Variants in SCUBE1 observed in about 807,000 individuals in gnomAD.
The protein encoded by SCUBE1 is signal peptide, CUB domain and EGF like domain containing 1, also known as signal peptide, CUB and EGF-like domain-containing protein 1.
SCUBE1 carries 59 observed loss-of-function variants against 124.4 expected under a neutral mutation model. The observed-to-expected ratio is 0.47, with a 90% confidence interval of 0.38 to 0.59. SCUBE1 has a LOEUF of 0.59. Among genes scored for constraint, SCUBE1 ranks in the 20% least tolerant of loss-of-function variants. The pLI is 0.00. For synonymous variants in SCUBE1, 545 were observed against 550.9 expected (o/e 0.99, Z 0.15); for missense variants, 1,150 against 1,371.2 (o/e 0.84, Z 2.55).
chr22:43,247,979 G>A (rs1233859725), intron 6 of SCUBE1, among the ~76,000 whole-genome samples: 1 of 152,198 alleles, frequency 6.6e-6, no homozygotes, highest in East Asian at 1.9e-4. Flanking sequence ...AGGGCTTTGG[G>A]GCCCACTTAG....
chr22:43,337,982 G>A (rs112700021), intron 2 of SCUBE1, among the ~76,000 whole-genome samples: 3 of 152,170 alleles, frequency 2.0e-5, no homozygotes, highest in African/African-American at 7.2e-5. Context: ...TGGGAATCTT[G>A]CAAAAGATGC....
rs2146706695 is a variant in SCUBE1 at position 43,258,149 on chromosome 22, T to G, written c.727+70A>C. 1 of 1,025,542 alleles carries G rather than the reference T, an allele frequency of 9.8e-7. No homozygotes were observed. The highest frequency in any genetic ancestry group is 1.5e-6 in the Non-Finnish European group (1 of 668,850). 63.5% of individuals were successfully genotyped at this position (1,025,542 alleles called of 1,614,324 possible). On this transcript the variant is annotated intron_variant, in intron 6 of 21. Coordinates refer to ENST00000360835, the MANE Select transcript of SCUBE1 (RefSeq NM_173050.5). The surrounding 1 kb of genome is among the most constrained non-coding windows in gnomAD (Gnocchi z 5.0). ...CCCGGACGTGGCAGGGTGCTGGCCC[T>G]GCTGGTGCACGCATGGGGGGTCGGG...
At chr22:43,214,047 G>GGGCCCCCCCCCCCCCCCC in intron 16 of SCUBE1, 43 bp downstream of exon 16, 1 of 143,438 alleles carries the variant, frequency 7.0e-6, no homozygotes, top group Non-Finnish European at 1.3e-5. Context: ...AGGAGCCCCC[G>GGGCCCCCCCCCCCCCCCC]CCCACCCCCC....
chr22:43,239,793 C>T (rs143490006), intron 6 of SCUBE1, among the ~76,000 whole-genome samples: 14 of 152,300 alleles, frequency 9.2e-5, no homozygotes, highest in East Asian at 3.9e-4. Flanking sequence ...CTTCCCTCTT[C>T]GCCTTGCTGC....
chr22:43,343,071 G>C, intron 1 of SCUBE1, 103 bp downstream of exon 1: 1 of 463,934 alleles, frequency 2.2e-6, no homozygotes, highest in Non-Finnish European at 3.0e-6. Context: ...GCGGGGCCGC[G>C]CGGGGCGAGC....
Position 43,231,861 on chromosome 22 carries a change from G to C in SCUBE1, c.859C>G (p.Leu287Val), listed in dbSNP as rs1364002667. 6.2e-7 allele frequency: 1 copy of C among 1,613,574 alleles called. No homozygotes were observed. The highest frequency in any genetic ancestry group is 1.3e-5 in the African/African-American group (1 of 75,058). Residue 287 changes from leucine (L) to valine (V), a missense_variant, in exon 8 of 22, where the codon CTG (leucine) becomes GTG (valine). Transcript: ENST00000360835. ...GKTCKDINEC[L>V]VNNGGCDHFC... Reference sequence around the variant, plus strand: ...TGGTCGCAGCCTCCGTTGTTGACCAGGCACTCGTTGATGTCTGTGGGAGCC... The same window carrying C: ...TGGTCGCAGCCTCCGTTGTTGACCACGCACTCGTTGATGTCTGTGGGAGCC...
rs1473456268 is a variant in SCUBE1 at position 43,234,862 on chromosome 22, C to T, written c.845-2987G>A. The stretch of plus-strand genomic sequence containing the variant: ...CTTCCAGCCCGGCCAGGCTGCTTTG[C>T]CTCCTTTCTCCAGGCTGCTTGGCTC... On this transcript the variant is annotated intron_variant, in intron 7 of 21. Transcript: ENST00000360835. The surrounding 1 kb of genome is among the most constrained non-coding windows in gnomAD (Gnocchi z 4.4). 6.6e-6 allele frequency among the ~76,000 whole-genome samples: 1 copy of T among 152,214 alleles called. No homozygotes were observed. The highest frequency in any genetic ancestry group is 1.5e-5 in the Non-Finnish European group (1 of 68,044).
chr22:43,234,268 G>T lies in SCUBE1; in HGVS notation c.845-2393C>A, dbSNP rs2146681611. ...GCTGTGTGATGCTGGGCAGGGAAAG[G>T]CACCTCTCTGAGCCTTAGGATCCCA... On this transcript the variant is annotated intron_variant, in intron 7 of 21. Transcript: ENST00000360835. This position sits in a 1 kb window ranked among gnomAD's most constrained non-coding sequence, Gnocchi z 4.4. Among the ~76,000 whole-genome samples the T allele has an allele frequency of 6.6e-6, 1 of 152,278 alleles. No individual in the cohort carries two copies. The highest frequency in any genetic ancestry group is 1.9e-4 in the East Asian group (1 of 5,190).
In SCUBE1 at chr22:43,210,999, C is replaced by T; in HGVS notation, c.2306G>A (p.Gly769Asp). ...CPVGTYQPEF[G>D]QNHCITCPGN... The stretch of plus-strand genomic sequence containing the variant: ...CGGACAGGTGATGCAGTGGTTCTGG[C>T]CAAACTCGGGCTGGTAGGTGCCGAC... Residue 769 changes from glycine to aspartate, a missense_variant, in exon 18 of 22, where the codon GGC becomes GAC. Gly to Asp is a moderately conservative substitution (Grantham distance 94). Transcript: ENST00000360835. The surrounding 1 kb of genome is among the most constrained non-coding windows in gnomAD (Gnocchi z 4.5). 1 of 1,614,144 alleles carries T rather than the reference C, an allele frequency of 6.2e-7. No homozygotes were observed. The highest frequency in any genetic ancestry group is 8.5e-7 in the Non-Finnish European group (1 of 1,180,020).
At chr22:43,334,356 A>G (rs974703297) in intron 2 of SCUBE1, among the ~76,000 whole-genome samples, 2 of 152,340 alleles carry the variant, frequency 1.3e-5, no homozygotes, top group Admixed American at 1.3e-4. Context: ...TGGGGATATA[A>G]GTATATGCAT....
chr22:43,321,096 G>GA (rs1189340672), intron 2 of SCUBE1, among the ~76,000 whole-genome samples: 1 of 152,254 alleles, frequency 6.6e-6, no homozygotes, highest in African/African-American at 2.4e-5. Flanking sequence ...CCCCACAGGG[G>GA]AACTGGAACC....
At chr22:43,241,500 G>A (rs1204307144) in intron 6 of SCUBE1, among the ~76,000 whole-genome samples, 2 of 152,114 alleles carry the variant, frequency 1.3e-5, no homozygotes, top group African/African-American at 2.4e-5. Flanking sequence ...TGCGGGCAGT[G>A]ACCCACCTGG....
intron 21 of SCUBE1, 130 bp from the exon 22 acceptor site, chr22:43,204,279 G>T: frequency 1.4e-6 from 1 of 704,724 alleles, no homozygotes. Context: ...ACCTTCTTTT[G>T]GTTTTAATAG....
intron 2 of SCUBE1, among the ~76,000 whole-genome samples, chr22:43,324,693 C>T (rs1448009361): frequency 6.6e-6 from 1 of 151,816 alleles, no homozygotes; most frequent in Non-Finnish European, 1.5e-5. Context: ...CCACAGACCT[C>T]CAAGACACTC....
At chr22:43,245,319 G>A (rs575972958) in intron 6 of SCUBE1, among the ~76,000 whole-genome samples, 227 of 152,324 alleles carry the variant, frequency 1.5e-3, no homozygotes, top group Non-Finnish European at 2.5e-3. Context: ...TCCTGACCAC[G>A]CCTCCCCGCC....
intron 14 of SCUBE1, among the ~76,000 whole-genome samples, chr22:43,219,609 G>A (rs1050498820): frequency 6.6e-6 from 1 of 151,974 alleles, no homozygotes; most frequent in African/African-American, 2.4e-5. Context: ...GAGTAGCTGG[G>A]ATTACAGGTG....
chr22:43,212,224 A>C (rs191265711), intron 17 of SCUBE1, among the ~76,000 whole-genome samples: 1 of 152,286 alleles, frequency 6.6e-6, no homozygotes, highest in Non-Finnish European at 1.5e-5. Flanking sequence ...TGGAGCTCAG[A>C]AAGCTCTCAG....
At chr22:43,317,475 C>G (rs541933529) in intron 3 of SCUBE1, among the ~76,000 whole-genome samples, 1 of 152,310 alleles carries the variant, frequency 6.6e-6, no homozygotes, top group East Asian at 1.9e-4. Context: ...TCACTGCTCA[C>G]GACAACCCTG....
intron 7 of SCUBE1, 196 bp from the exon 8 acceptor site, chr22:43,232,071 G>C: frequency 1.7e-6 from 1 of 603,224 alleles, no homozygotes; most frequent in Non-Finnish European, 3.0e-6. Flanking sequence ...GTCGGGGCTG[G>C]GTTGTACTGG....
Sources: allele counts gnomAD v4.1 joint callset (sites outside exome capture counted in the v4.1 genomes callset), GRCh38; gene constraint gnomAD v4.1.1; non-coding constraint Gnocchi (gnomAD v3.1); transcripts MANE v1.5; gene names NCBI Gene and HGNC (gene_info 2026-07-23, HGNC 2026-07-21).